Variants in MAPT observed in about 807,000 individuals in gnomAD.
MAPT encodes the protein microtubule associated protein tau, also known as microtubule-associated protein tau.
In MAPT, 34 loss-of-function variants were observed where a neutral mutation model predicts 67.9. The ratio of observed to expected loss-of-function variants is 0.50; its 90% CI spans 0.38 to 0.67. MAPT has a LOEUF of 0.67. MAPT is among the 30% of genes least tolerant of loss of function. The pLI, the probability that MAPT is intolerant of heterozygous loss-of-function variation, is 0.00. For synonymous variants in MAPT, 456 were observed against 464.5 expected, an observed-to-expected ratio of 0.98 and a Z score of 0.23; for missense variants, 881 against 1,115.2, an observed-to-expected ratio of 0.79 and a Z score of 2.99.
At position 45,996,547 on chromosome 17, in the gene MAPT, G is replaced by T. The variant is rs115142761; in HGVS notation, c.1881G>T (p.Ser627=). The change falls in exon 9 of 13, where the codon TCG becomes TCT. Residue 627 remains serine, a synonymous_variant. Coordinates refer to ENST00000262410, the MANE Select transcript of MAPT (RefSeq NM_001377265.1). This position sits in a 1 kb window ranked among gnomAD's most constrained non-coding sequence, Gnocchi z 4.5. The part of the protein sequence containing the change: ...KVAVVRTPPK[S]PSSAKSRLQT... Reference sequence around the variant, plus strand: ...CAGTGGTCCGTACTCCACCCAAGTCGCCGTCTTCCGCCAAGAGCCGCCTGC... The same window carrying T: ...CAGTGGTCCGTACTCCACCCAAGTCTCCGTCTTCCGCCAAGAGCCGCCTGC... 6.2e-7 allele frequency: 1 copy of T among 1,613,354 alleles called. No homozygotes were observed. Among genetic ancestry groups the T allele is most frequent in the Admixed American group, 1.7e-5 (1 of 59,990 alleles).
intron 1 of MAPT, among the ~76,000 whole-genome samples, chr17:45,911,358 G>A (rs951471875): frequency 2.6e-5 from 4 of 152,250 alleles, no homozygotes; most frequent in Non-Finnish European, 5.9e-5. Flanking sequence ...CCACACTGGT[G>A]AGTGGCTGCG....
In MAPT at chr17:45,921,336, G is replaced by A. The variant is rs1380906544; in HGVS notation, c.-18+26650G>A. On this transcript the variant is annotated intron_variant, in intron 1 of 12. Transcript: ENST00000262410. ...GACCTGGTGTCCTGGCACCCATTGG[G>A]CAAGTGGGTCCTAGAAGACAAACCT... Among the ~76,000 whole-genome samples the A allele has an allele frequency of 2.0e-5, 3 of 152,298 alleles. No homozygotes were observed. The East Asian group carries it at 5.8e-4, about 29-fold the overall frequency.
At chr17:46,003,340 G>A (rs576691796) in intron 9 of MAPT, among the ~76,000 whole-genome samples, 4 of 152,008 alleles carry the variant, frequency 2.6e-5, no homozygotes, top group South Asian at 2.1e-4. Flanking sequence ...GTGCAGTGGT[G>A]CAATCTCGGC....
intron 2 of MAPT, among the ~76,000 whole-genome samples, chr17:45,967,090 A>G (rs2071164229): frequency 6.6e-6 from 1 of 152,264 alleles, no homozygotes; most frequent in Non-Finnish European, 1.5e-5. Context: ...TACACGTTAA[A>G]TGCCAGAACA....
At chr17:45,931,920 C>T (rs532796721) in intron 1 of MAPT, 1 of 151,952 alleles carries the variant, frequency 6.6e-6, no homozygotes, top group African/African-American at 2.4e-5. Context: ...GATCCTGTCT[C>T]TACTGAAAAC....
chr17:45,998,138 C>T (rs1240386129), intron 9 of MAPT, among the ~76,000 whole-genome samples: 1 of 152,100 alleles, frequency 6.6e-6, no homozygotes, highest in Non-Finnish European at 1.5e-5. Flanking sequence ...CGCAGGCGCT[C>T]TCCACACCAT....
At chr17:45,982,042 G>A (rs7209922) in intron 4 of MAPT, among the ~76,000 whole-genome samples, 105,902 of 144,856 alleles carry the variant, frequency 0.73, 38,891 homozygotes, top group East Asian at 0.83. Flanking sequence ...AAGAAAGAAA[G>A]AAAGGAAAAA....
rs2076714301 is a variant in MAPT at position 46,024,337 on chromosome 17, A to G, written c.*166A>G. Reference sequence around the variant, plus strand: ...TTTTGTCACTCGGCTTTGGCTCGGGACTTCAAAATCAGTGATGGGAGTAAG... The same window carrying G: ...TTTTGTCACTCGGCTTTGGCTCGGGGCTTCAAAATCAGTGATGGGAGTAAG... On this transcript the variant is annotated 3_prime_UTR_variant, in exon 13 of 13. Coordinates refer to ENST00000262410, the MANE Select transcript of MAPT (RefSeq NM_001377265.1). The G allele has an allele frequency of 1.5e-6, 1 of 680,392 alleles. No homozygotes were observed. The highest frequency in any genetic ancestry group is 1.8e-5 in the African/African-American group (1 of 56,360). 42.1% of individuals were successfully genotyped at this position (680,392 alleles called of 1,614,324 possible).
chr17:45,964,520 T>C (rs113933759), intron 2 of MAPT, among the ~76,000 whole-genome samples: 50 of 151,598 alleles, frequency 3.3e-4, no homozygotes, highest in African/African-American at 1.2e-3. Flanking sequence ...TCTCTACAGA[T>C]AATAATTTTA....
At chr17:45,936,834 C>T (rs1166739843) in intron 1 of MAPT, among the ~76,000 whole-genome samples, 1 of 152,200 alleles carries the variant, frequency 6.6e-6, no homozygotes, top group Admixed American at 6.5e-5. Flanking sequence ...AGGCCAACCG[C>T]AGGTGTGTTC....
chr17:45,904,348 T>TATATATTATATATATA (rs1568136393), intron 1 of MAPT, among the ~76,000 whole-genome samples: 2 of 82,874 alleles, frequency 2.4e-5, no homozygotes, highest in African/African-American at 1.0e-4. Flanking sequence ...ATATATATAT[T>TATATATTATATATATA]ATATATATTA....
rs17650872 is a variant in MAPT, at chr17:45,962,150, G to T, written c.-17-171G>T. ...AAGCAGATAGATGTAAATAACGCTT[G>T]GGCAGGAATATGGAGCACGGGATGA... On this transcript the variant is annotated intron_variant, in intron 1 of 12. Coordinates refer to ENST00000262410, the MANE Select transcript of MAPT (RefSeq NM_001377265.1). Among the ~76,000 whole-genome samples the T allele has an allele frequency of 0.14, 21,776 of 152,158 alleles. 2,126 individuals are homozygous for T. The highest frequency in any genetic ancestry group is 0.22 in the Non-Finnish European group (14,741 of 67,978).
intron 1 of MAPT, among the ~76,000 whole-genome samples, chr17:45,960,437 G>A (rs1389568964): frequency 6.6e-6 from 1 of 152,042 alleles, no homozygotes; most frequent in African/African-American, 2.4e-5. Context: ...CAGATGGCAT[G>A]TGCCGCCTGT....
intron 1 of MAPT, among the ~76,000 whole-genome samples, chr17:45,939,463 C>G (rs917976324): frequency 3.9e-5 from 6 of 151,994 alleles, no homozygotes; most frequent in Non-Finnish European, 7.4e-5. Flanking sequence ...GTTTTTTTGC[C>G]TAGCACATGC....
At chr17:45,914,989 T>A (rs1239594029) in intron 1 of MAPT, among the ~76,000 whole-genome samples, 1 of 152,074 alleles carries the variant, frequency 6.6e-6, no homozygotes, top group Non-Finnish European at 1.5e-5. Flanking sequence ...AGGGCTGAGA[T>A]TAAAACGTGA....
At chr17:45,974,887 G>A (rs1014111438) in intron 3 of MAPT, 1 of 245,908 alleles carries the variant, frequency 4.1e-6, no homozygotes, top group African/African-American at 2.2e-5. Context: ...TGAGCGCACA[G>A]AGGGTGCAGA....
At chr17:45,946,633 T>A (rs1363557548) in intron 1 of MAPT, among the ~76,000 whole-genome samples, 3 of 133,942 alleles carry the variant, frequency 2.2e-5, no homozygotes, top group Non-Finnish European at 3.3e-5. Flanking sequence ...TATATATATA[T>A]ATATATGTCA....
At chr17:45,990,977 GA>G (rs2074013660) in intron 7 of MAPT, among the ~76,000 whole-genome samples, 1 of 152,160 alleles carries the variant, frequency 6.6e-6, no homozygotes, top group Non-Finnish European at 1.5e-5. Context: ...GTTTGCGAGA[GA>G]ATGAAAGAAC....
At chr17:45,984,276 G>A (rs1477248381) in intron 5 of MAPT, among the ~76,000 whole-genome samples, 1 of 152,230 alleles carries the variant, frequency 6.6e-6, no homozygotes, top group Non-Finnish European at 1.5e-5. Flanking sequence ...AGGATGACGG[G>A]TGCCCTCATG....
Sources: gnomAD v4.1 joint callset for allele counts (sites outside exome capture counted in the v4.1 genomes callset) on GRCh38, gnomAD v4.1.1 for gene constraint, Gnocchi (gnomAD v3.1) non-coding constraint, MANE v1.5 for transcripts, NCBI Gene and HGNC (gene_info 2026-07-23, HGNC 2026-07-21) for gene names.